The following LRRTM4 variants were observed in gnomAD, a reference collection of about 807,000 sequenced individuals.
LRRTM4 encodes leucine rich repeat transmembrane neuronal 4, also known as leucine-rich repeat transmembrane neuronal protein 4.
A neutral mutation model predicts 47.6 loss-of-function variants in LRRTM4; 25 were observed. That is an observed-to-expected ratio of 0.53 (90% CI 0.38 to 0.73). The LOEUF (loss-of-function observed/expected upper bound fraction) is 0.73, where lower values mean the gene tolerates loss of function less well. Among genes scored for constraint, LRRTM4 ranks in the 30% least tolerant of loss-of-function variants. The pLI, the probability that LRRTM4 is intolerant of heterozygous loss-of-function variation, is 0.00. For missense variants in LRRTM4, 638 were observed against 713.4 expected (o/e 0.89, Z 1.20); for synonymous variants, 311 against 269.5 (o/e 1.15, Z -1.51).
chr2:76,770,100 G>C (rs1673630428), intron 3 of LRRTM4, among the ~76,000 whole-genome samples: 1 of 152,254 alleles, frequency 6.6e-6, no homozygotes, highest in East Asian at 1.9e-4. Flanking sequence ...CAGTCTGAAA[G>C]TCAATTGACT....
At chr2:76,975,967 T>C (rs2103954066) in intron 3 of LRRTM4, among the ~76,000 whole-genome samples, 1 of 151,982 alleles carries the variant, frequency 6.6e-6, no homozygotes, top group East Asian at 1.9e-4. Context: ...CCAGTCATGC[T>C]CTGGACTTAG....
At chr2:77,263,495 T>TG (rs2104047224) in intron 3 of LRRTM4, among the ~76,000 whole-genome samples, 1 of 152,176 alleles carries the variant, frequency 6.6e-6, no homozygotes, top group African/African-American at 2.4e-5. Context: ...GTCTTTAAAC[T>TG]GTGGGATCTG....
chr2:76,876,166 T>A (rs1195521966), intron 3 of LRRTM4, among the ~76,000 whole-genome samples: 1 of 151,986 alleles, frequency 6.6e-6, no homozygotes, highest in African/African-American at 2.4e-5. Flanking sequence ...AAAAAAGAAG[T>A]TTTTTAAGAG....
intron 3 of LRRTM4, among the ~76,000 whole-genome samples, chr2:77,433,068 GA>G (rs1356866469): frequency 2.6e-5 from 4 of 152,138 alleles, no homozygotes; most frequent in African/African-American, 7.2e-5. Flanking sequence ...AGACAAGGCA[GA>G]AAAAGACAAT....
At chr2:77,284,867 G>A (rs1676606951) in intron 3 of LRRTM4, among the ~76,000 whole-genome samples, 1 of 151,956 alleles carries the variant, frequency 6.6e-6, no homozygotes, top group African/African-American at 2.4e-5. Context: ...TGCTAAACAA[G>A]CAATTCACTC....
At chr2:76,824,104 A>G (rs1345675824) in intron 3 of LRRTM4, among the ~76,000 whole-genome samples, 1 of 151,498 alleles carries the variant, frequency 6.6e-6, no homozygotes, top group Non-Finnish European at 1.5e-5. Flanking sequence ...TAAGTTGTAG[A>G]TATCTCATAG....
chr2:77,060,401 G>GA (rs982194451), intron 3 of LRRTM4, among the ~76,000 whole-genome samples: 6 of 151,902 alleles, frequency 3.9e-5, no homozygotes, highest in African/African-American at 9.7e-5. Context: ...AATGTCCTCA[G>GA]AAAAAAATAG....
chr2:77,482,142 G>T (rs1288284853), intron 3 of LRRTM4, among the ~76,000 whole-genome samples: 1 of 152,130 alleles, frequency 6.6e-6, no homozygotes, highest in African/African-American at 2.4e-5. Context: ...TAAAAAAGAA[G>T]ATAATAGATG....
chr2:76,832,267 C>G (rs930344125), intron 3 of LRRTM4, among the ~76,000 whole-genome samples: 1 of 151,934 alleles, frequency 6.6e-6, no homozygotes, highest in Admixed American at 6.6e-5. Context: ...GTATCCTTAG[C>G]GAGCCTAGAA....
rs181489724 is a variant in LRRTM4, at chr2:77,337,068, C to T, written c.1551+181250G>A. On this transcript the variant is annotated intron_variant, in intron 3 of 3. Coordinates refer to ENST00000409884, the MANE Select transcript of LRRTM4 (RefSeq NM_001134745.3). ...CACAAAAATTAGTAGCATTTCCATA[C>T]ACCAATAACATTCAAGCTGAGAACC... Among the ~76,000 whole-genome samples the T allele has an allele frequency of 9.5e-4, 145 of 152,206 alleles. 1 individual carries two copies. Among genetic ancestry groups the T allele is most frequent in the African/African-American group, 3.3e-3 (139 of 41,542 alleles).
intron 3 of LRRTM4, among the ~76,000 whole-genome samples, chr2:76,883,854 G>A (rs1672996803): frequency 6.6e-6 from 1 of 152,068 alleles, no homozygotes; most frequent in South Asian, 2.1e-4. Flanking sequence ...ACCTAATCAA[G>A]ATTTGGATAT....
chr2:77,008,331 T>C (rs1477264967), intron 3 of LRRTM4, among the ~76,000 whole-genome samples: 5 of 152,172 alleles, frequency 3.3e-5, no homozygotes, highest in Non-Finnish European at 7.3e-5. Flanking sequence ...ATAATTGTAA[T>C]ATGTATTTTT....
At chr2:77,030,482 A>G (rs1678615953) in intron 3 of LRRTM4, among the ~76,000 whole-genome samples, 1 of 152,182 alleles carries the variant, frequency 6.6e-6, no homozygotes, top group Non-Finnish European at 1.5e-5. Flanking sequence ...TGTGTTTTCT[A>G]TTACAATGTT....
chr2:76,950,852 G>A (rs1371017608), intron 3 of LRRTM4, among the ~76,000 whole-genome samples: 1 of 151,968 alleles, frequency 6.6e-6, no homozygotes, highest in Non-Finnish European at 1.5e-5. Context: ...AGGCTAAAAT[G>A]AACTAGAGTT....
At chr2:77,485,903 T>A (rs1677892724) in intron 3 of LRRTM4, among the ~76,000 whole-genome samples, 1 of 151,648 alleles carries the variant, frequency 6.6e-6, no homozygotes, top group South Asian at 2.1e-4. Context: ...GCTAATTTTT[T>A]TTTTTTGTAT....
chr2:77,313,828 T>C (rs1298889090), intron 3 of LRRTM4, among the ~76,000 whole-genome samples: 1 of 152,160 alleles, frequency 6.6e-6, no homozygotes, highest in Admixed American at 6.5e-5. Context: ...AGACTACCCA[T>C]TGTCATTCAA....
chr2:77,434,242 T>TG (rs1205001698), intron 3 of LRRTM4, among the ~76,000 whole-genome samples: 3 of 131,454 alleles, frequency 2.3e-5, no homozygotes, highest in African/African-American at 5.5e-5. Flanking sequence ...GATCCCAGAT[T>TG]GGGAAAAAAA....
chr2:76,939,595 G>T (rs6716081), intron 3 of LRRTM4, among the ~76,000 whole-genome samples: 12,849 of 151,432 alleles, frequency 0.085, 839 homozygotes, highest in East Asian at 0.34. Flanking sequence ...AGTACTGAAG[G>T]AATAGAACCA....
intron 3 of LRRTM4, among the ~76,000 whole-genome samples, chr2:77,364,617 C>T (rs1505231): frequency 0.47 from 71,273 of 151,710 alleles, 17,034 homozygotes; most frequent in Admixed American, 0.55. Context: ...TTTTGCTATA[C>T]CCTCCATCTC....
Sources: gnomAD v4.1 joint callset for allele counts (sites outside exome capture counted in the v4.1 genomes callset) on GRCh38, gnomAD v4.1.1 for gene constraint, MANE v1.5 for transcripts, NCBI Gene and HGNC (gene_info 2026-07-23, HGNC 2026-07-21) for gene names.